Variants in SFXN1 observed in about 807,000 individuals in gnomAD.
The protein encoded by SFXN1 is sideroflexin 1.
Under a neutral mutation model 39.5 loss-of-function variants are expected in SFXN1, and 32 were observed. The observed-to-expected ratio is 0.81, with a 90% CI of 0.61 to 1.09. The LOEUF is 1.09. SFXN1 is among the 50% of genes least tolerant of loss of function. The pLI is 0.00. For synonymous variants in SFXN1, 136 were observed against 146.5 expected (o/e 0.93, Z 0.52); for missense variants, 402 against 407.1 (o/e 0.99, Z 0.11).
rs769492620 is a variant in SFXN1, at chr5:175,509,215, T to G, written c.335+13T>G. ...TGACGTTTTACAGGTATGTTATGAATATGTAGCAACAGTGTGTTTACCATT... is the reference window on the plus strand; with the variant it reads ...TGACGTTTTACAGGTATGTTATGAAGATGTAGCAACAGTGTGTTTACCATT... On this transcript the variant is annotated intron_variant, in intron 3 of 10. Transcript: ENST00000321442. 1.9e-6 allele frequency: 3 copies of G among 1,602,978 alleles called. No homozygotes were observed. The highest frequency in any genetic ancestry group is 2.6e-6 in the Non-Finnish European group (3 of 1,175,072).
chr5:175,527,962 C>T lies in SFXN1; in HGVS notation c.*1228C>T, dbSNP rs542264306. On this transcript the variant is annotated 3_prime_UTR_variant, in exon 11 of 11. Coordinates refer to ENST00000321442, the MANE Select transcript of SFXN1 (RefSeq NM_022754.7). The stretch of plus-strand genomic sequence containing the variant: ...TGAGACGGAGTCTCGCTCTGTCACC[C>T]AGGCTGGAGTGCAGTGGCGTAGTCT... 6.7e-6 allele frequency: 1 copy of T among 150,244 alleles called. No homozygotes were observed. Among genetic ancestry groups the T allele is most frequent in the South Asian group, 2.1e-4 (1 of 4,728 alleles). The allele number at this position is 150,244 out of a possible 1,614,324, so 9.3% of individuals were successfully genotyped here. A position where few individuals can be genotyped will look rare whatever the true frequency, so the allele number is the denominator to read the frequency against.
At chr5:175,516,482 A>G in intron 7 of SFXN1, 132 bp from the exon 8 acceptor site, 1 of 713,010 alleles carries the variant, frequency 1.4e-6, no homozygotes, top group Non-Finnish European at 2.4e-6. Context: ...AAGAATTGCT[A>G]CAAACTGTTT....
At position 175,492,212 on chromosome 5, in the gene SFXN1, A is replaced by G. The variant is rs143217484; in HGVS notation, c.109A>G (p.Ile37Val). 1 of 1,614,050 alleles carries G rather than the reference A, an allele frequency of 6.2e-7. No homozygotes were observed. The highest frequency in any genetic ancestry group is 8.5e-7 in the Non-Finnish European group (1 of 1,180,010). The change falls in exon 2 of 11, where the codon ATT (isoleucine) becomes GTT (valine). Residue 37 changes from isoleucine (I) to valine (V), a missense_variant. Coordinates refer to ENST00000321442, the MANE Select transcript of SFXN1 (RefSeq NM_022754.7). ...CTTCACTGTAACTGACCCCAGGAACATTCTGTTAACCAACGAACAACTCGA... is the reference window on the plus strand; with the variant it reads ...CTTCACTGTAACTGACCCCAGGAACGTTCTGTTAACCAACGAACAACTCGA... Reference protein sequence around the residue: ...HFFTVTDPRNILLTNEQLESA... With the variant: ...HFFTVTDPRNVLLTNEQLESA...
intron 2 of SFXN1, among the ~76,000 whole-genome samples, chr5:175,494,933 C>A (rs930007397): frequency 3.3e-5 from 5 of 152,108 alleles, no homozygotes; most frequent in African/African-American, 1.2e-4. Context: ...AGTTCCACTT[C>A]TGGGAATATA....
In SFXN1 at chr5:175,516,645, A is replaced by G. The variant is rs1343493289; in HGVS notation, c.756A>G (p.Glu252=). The change falls in exon 8 of 11, where the codon GAA becomes GAG. Residue 252 remains glutamate, a synonymous_variant. Transcript: ENST00000321442. ...AIPPFIMNTL[E]KKAFLKRFPW... is the part of the protein sequence containing the mutation. ...CTCCATTCATTATGAACACTTTGGA[A>G]AAGAAAGCCTTTTTGAAGGTAAGCT... 6.2e-7 allele frequency: 1 copy of G among 1,613,350 alleles called. No homozygotes were observed.
rs760020898 is a variant in SFXN1, at chr5:175,492,173, C to T, written c.70C>T (p.Arg24Ter). The T allele has an allele frequency of 1.7e-5, 28 of 1,613,840 alleles. No homozygotes were observed. The highest frequency in any genetic ancestry group is 6.7e-5 in the East Asian group (3 of 44,878). ...ATGGGATCAAAGCACTTTCATTGGACGAGCCAATCATTTCTTCACTGTAAC... is the reference window on the plus strand; with the variant it reads ...ATGGGATCAAAGCACTTTCATTGGATGAGCCAATCATTTCTTCACTGTAAC... ...PRWDQSTFIG[R>*]ANHFFTVTDP... The change falls in exon 2 of 11, where the codon CGA (arginine) becomes TGA (stop). Residue 24 changes from arginine to a stop codon, truncating the protein, a stop_gained. Transcript: ENST00000321442. LOFTEE classifies it high-confidence loss of function.
chr5:175,505,931 C>A (rs1760276622), intron 2 of SFXN1, among the ~76,000 whole-genome samples: 1 of 152,154 alleles, frequency 6.6e-6, no homozygotes, highest in Non-Finnish European at 1.5e-5. Context: ...GCAATTCTGC[C>A]TCAGCTTTCC....
intron 1 of SFXN1, among the ~76,000 whole-genome samples, chr5:175,486,708 G>A (rs142203932): frequency 3.9e-5 from 6 of 152,138 alleles, no homozygotes; most frequent in African/African-American, 7.2e-5. Context: ...AGCCCAGGAC[G>A]TCAAGGCTGC....
In SFXN1 at chr5:175,492,268, G is replaced by T; in HGVS notation, c.164+1G>T. 6.2e-7 allele frequency: 1 copy of T among 1,603,602 alleles called. No individual in the cohort carries two copies. Among genetic ancestry groups the T allele is most frequent in the African/African-American group, 1.3e-5 (1 of 74,464 alleles). On this transcript the variant is annotated splice_donor_variant, in intron 2 of 10. Coordinates refer to ENST00000321442, the MANE Select transcript of SFXN1 (RefSeq NM_022754.7). LOFTEE classifies it high-confidence loss of function. ...CGAGAAAAATAGTACATGATTACAGGTAACATTAATTATTGTTTTTTGGTT... is the reference window on the plus strand; with the variant it reads ...CGAGAAAAATAGTACATGATTACAGTTAACATTAATTATTGTTTTTTGGTT...
rs12108916 is a variant in SFXN1 at position 175,512,636 on chromosome 5, A to G, written c.596+440A>G. 9.1e-3 allele frequency among the ~76,000 whole-genome samples: 1,382 copies of G among 152,296 alleles called. 27 individuals are homozygous for G. The highest frequency in any genetic ancestry group is 0.031 in the African/African-American group (1,301 of 41,548). ...ATATCTTTGGAAGTATTGTTGTAGA[A>G]CTGGCAAAAATTAAAGGAGAAGAAA... On this transcript the variant is annotated intron_variant, in intron 6 of 10. Transcript: ENST00000321442.
Position 175,509,110 on chromosome 5 carries a change from T to C in SFXN1, c.243T>C (p.Pro81=). 3 of 1,614,044 alleles carry C rather than the reference T, an allele frequency of 1.9e-6. No individual in the cohort carries two copies. The highest frequency in any genetic ancestry group is 2.2e-5 in the South Asian group (2 of 91,058). Residue 81 remains proline (P), a synonymous_variant, in exon 3 of 11, where the codon CCT becomes CCC. Transcript: ENST00000321442. ...ACATCTATGATTCAGCTTTTCATCCTGACACTGGTGAGAAGATGATTTTGA... is the reference window on the plus strand; with the variant it reads ...ACATCTATGATTCAGCTTTTCATCCCGACACTGGTGAGAAGATGATTTTGA... The part of the protein sequence containing the change: ...AKYIYDSAFH[P]DTGEKMILIG...
intron 2 of SFXN1, among the ~76,000 whole-genome samples, chr5:175,497,213 A>G (rs1313912310): frequency 4.4e-4 from 67 of 152,210 alleles, no homozygotes; most frequent in Admixed American, 4.1e-3. Context: ...TATATAAATC[A>G]GTAAGCCAGT....
chr5:175,512,390 G>C (rs1760553207), intron 6 of SFXN1, among the ~76,000 whole-genome samples, 194 bp downstream of exon 6: 1 of 152,188 alleles, frequency 6.6e-6, no homozygotes, highest in South Asian at 2.1e-4. Flanking sequence ...GCTTAGCGAT[G>C]AGTTACTGAT....
chr5:175,486,249 ATG>A (rs1467958099), intron 1 of SFXN1, among the ~76,000 whole-genome samples: 2 of 152,188 alleles, frequency 1.3e-5, no homozygotes, highest in Non-Finnish European at 2.9e-5. Context: ...TTCAAGAAAA[ATG>A]GCTAGAAAAG....
At chr5:175,497,951 A>C (rs1415902706) in intron 2 of SFXN1, among the ~76,000 whole-genome samples, 1 of 151,742 alleles carries the variant, frequency 6.6e-6, no homozygotes, top group African/African-American at 2.4e-5. Flanking sequence ...AAAAAAAAAA[A>C]AAAACCACAA....
At position 175,484,760 on chromosome 5, in the gene SFXN1, A is replaced by G. The variant is rs193088087; in HGVS notation, c.-10+6121A>G. ...TTGATTTTTAGAGACGGGTTTTACTATGTTGCCCAGTGTGGTCTCCAACCT... is the reference window on the plus strand; with the variant it reads ...TTGATTTTTAGAGACGGGTTTTACTGTGTTGCCCAGTGTGGTCTCCAACCT... On this transcript the variant is annotated intron_variant, in intron 1 of 10. Transcript: ENST00000321442. 1.2e-3 allele frequency among the ~76,000 whole-genome samples: 189 copies of G among 152,266 alleles called. 1 individual carries two copies. The highest frequency in any genetic ancestry group is 4.1e-3 in the African/African-American group (170 of 41,562).
rs1400652875 is a variant in SFXN1 at position 175,527,444 on chromosome 5, C to G, written c.*710C>G. On this transcript the variant is annotated 3_prime_UTR_variant, in exon 11 of 11. Transcript: ENST00000321442. ...TTTTTGTTCTTATAAAGATGATAAT[C>G]TTACCTTGCAGTTATTGACTTTATA... The G allele has an allele frequency of 1.3e-5, 2 of 152,190 alleles. No individual in the cohort carries two copies. The highest frequency in any genetic ancestry group is 2.9e-5 in the Non-Finnish European group (2 of 68,028). The allele number at this position is 152,190 out of a possible 1,614,324, so 9.4% of individuals were successfully genotyped here.
chr5:175,513,777 TG>T, intron 7 of SFXN1, 187 bp downstream of exon 7: 1 of 578,560 alleles, frequency 1.7e-6, no homozygotes, highest in East Asian at 3.5e-5. Flanking sequence ...AAGGGGGCAA[TG>T]GGGCTAGGGC....
chr5:175,494,751 TA>T lies in SFXN1; in HGVS notation c.164+2498del, dbSNP rs1286516959. Among the ~76,000 whole-genome samples the T allele has an allele frequency of 6.9e-3, 841 of 121,860 alleles. 2 individuals carry two copies. The highest frequency in any genetic ancestry group is 0.014 in the Middle Eastern group (3 of 218). The allele number at this position is 121,860 out of a possible 152,430, so 79.9% of individuals were successfully genotyped here. A position where few individuals can be genotyped will look rare whatever the true frequency, so the allele number is the denominator to read the frequency against. On this transcript the variant is annotated intron_variant, in intron 2 of 10. Transcript: ENST00000321442. ...TGGGCAACAAGCACGAAACTCCACCTAAAAAAAAAAAAAAGAAAAAATATGT... is the reference window on the plus strand; with the variant it reads ...TGGGCAACAAGCACGAAACTCCACCTAAAAAAAAAAAAAGAAAAAATATGT...
Sources: allele counts gnomAD v4.1 joint callset (sites outside exome capture counted in the v4.1 genomes callset), GRCh38; gene constraint gnomAD v4.1.1; transcripts MANE v1.5; gene names NCBI Gene and HGNC (gene_info 2026-07-23, HGNC 2026-07-21).